Variants in SUGCT observed in about 807,000 individuals in gnomAD.
SUGCT encodes succinyl-CoA:glutarate CoA-transferase.
SUGCT carries 41 observed loss-of-function variants against 55.0 expected under a neutral mutation model. That is an observed-to-expected ratio of 0.74 (90% CI 0.58 to 0.97). The LOEUF (loss-of-function observed/expected upper bound fraction) is 0.97. Ranked by LOEUF, SUGCT falls within the 50% of genes least tolerant of loss-of-function variation. SUGCT has a pLI of 0.00. For synonymous variants in SUGCT, 187 were observed against 200.4 expected (o/e 0.93, Z 0.56); for missense variants, 568 against 547.8 (o/e 1.04, Z -0.37).
At chr7:40,662,207 A>G (rs960653049) in intron 12 of SUGCT, among the ~76,000 whole-genome samples, 5 of 152,082 alleles carry the variant, frequency 3.3e-5, no homozygotes, top group Non-Finnish European at 4.4e-5. Flanking sequence ...TGTTGGTTCA[A>G]CCTCCAAATT....
In SUGCT at chr7:40,422,820, CA is replaced by C. The variant is rs748926147; in HGVS notation, c.817-26454del. On this transcript the variant is annotated intron_variant, in intron 9 of 13. Transcript: ENST00000335693. Reference sequence around the variant, plus strand: ...CATTTTAGAGAATTAACCAGTTGTCCAAAAAAAAAAAAACCACCAACTCCCT... The same window carrying C: ...CATTTTAGAGAATTAACCAGTTGTCCAAAAAAAAAAAACCACCAACTCCCT... Among the ~76,000 whole-genome samples the C allele has an allele frequency of 5.0e-3, 607 of 121,596 alleles. 3 individuals carry two copies. Among genetic ancestry groups the C allele is most frequent in the African/African-American group, 0.012 (405 of 33,116 alleles). The allele number at this position is 121,596 out of a possible 152,430, so 79.8% of individuals were successfully genotyped here.
At chr7:40,563,527 G>T (rs1795957643) in intron 12 of SUGCT, among the ~76,000 whole-genome samples, 1 of 151,178 alleles carries the variant, frequency 6.6e-6, no homozygotes, top group African/African-American at 2.4e-5. Context: ...ACAACATAGT[G>T]AGACCTTGTC....
intron 9 of SUGCT, among the ~76,000 whole-genome samples, chr7:40,441,757 G>T (rs1319711242): frequency 6.6e-6 from 1 of 152,168 alleles, no homozygotes; most frequent in African/African-American, 2.4e-5. Flanking sequence ...GAGTATGGGA[G>T]TTTGGAAGTA....
intron 12 of SUGCT, among the ~76,000 whole-genome samples, chr7:40,603,968 C>G (rs1798410762): frequency 6.6e-6 from 1 of 151,982 alleles, no homozygotes; most frequent in Admixed American, 6.6e-5. Context: ...GTTACACCAA[C>G]CTTCATCTTT....
intron 9 of SUGCT, among the ~76,000 whole-genome samples, chr7:40,335,489 T>C (rs1169903488): frequency 2.0e-5 from 3 of 152,080 alleles, no homozygotes; most frequent in African/African-American, 4.8e-5. Flanking sequence ...GATTCCTAGG[T>C]ATTTTATTCT....
the SUGCT span, among the ~76,000 whole-genome samples, chr7:41,012,187 G>A: frequency 6.6e-6 from 1 of 151,984 alleles, no homozygotes; most frequent in Admixed American, 6.6e-5. Context: ...CATTAGTTCC[G>A]GTGAACTCTC....
At chr7:40,638,607 C>T (rs1187703428) in intron 12 of SUGCT, among the ~76,000 whole-genome samples, 1 of 152,130 alleles carries the variant, frequency 6.6e-6, no homozygotes, top group South Asian at 2.1e-4. Flanking sequence ...AGACCCAGTA[C>T]CCAAGAATAA....
intron 9 of SUGCT, among the ~76,000 whole-genome samples, chr7:40,320,915 T>C (rs1795693841): frequency 6.6e-6 from 1 of 152,082 alleles, no homozygotes; most frequent in Admixed American, 6.6e-5. Context: ...ATCCAATAGG[T>C]ACTTTCTCCT....
At chr7:40,160,228 A>T (rs897439080) in intron 1 of SUGCT, among the ~76,000 whole-genome samples, 2 of 152,030 alleles carry the variant, frequency 1.3e-5, no homozygotes, top group African/African-American at 4.8e-5. Context: ...ACCATAAAAT[A>T]ATTTTTTTCT....
intron 8 of SUGCT, among the ~76,000 whole-genome samples, chr7:40,303,984 G>A (rs956541910): frequency 6.6e-6 from 1 of 151,418 alleles, no homozygotes; most frequent in African/African-American, 2.4e-5. Context: ...GGGAGGTGGA[G>A]GTTGCAGTAA....
the SUGCT span, among the ~76,000 whole-genome samples, chr7:40,909,474 A>G: frequency 8.1e-4 from 123 of 152,298 alleles, no homozygotes; most frequent in African/African-American, 2.4e-3. Context: ...ATTTTCTGAC[A>G]GTCAAAATTG....
intron 10 of SUGCT, 49 bp from the exon 11 acceptor site, chr7:40,459,052 T>G (rs748681369): frequency 8.8e-6 from 11 of 1,244,914 alleles, no homozygotes; most frequent in East Asian, 2.4e-5. Context: ...CACAGGCAGG[T>G]ACAAGAACTA....
At position 40,377,204 on chromosome 7, in the gene SUGCT, T is replaced by TC. The variant is rs1491358810; in HGVS notation, c.816+60349_816+60350insC. 9.3e-4 allele frequency among the ~76,000 whole-genome samples: 11 copies of TC among 11,842 alleles called. 1 individual carries two copies. Among genetic ancestry groups the TC allele is most frequent in the East Asian group, 0.036 (1 of 28 alleles). The allele number at this position is 11,842 out of a possible 152,430, so 7.8% of individuals were successfully genotyped here. ...TTTCTTTCTTTCTTTCTTTCTTTTC[T>TC]TTTCTTTTCTTTCTTTTCTTTCTTT... On this transcript the variant is annotated intron_variant, in intron 9 of 13. Coordinates refer to ENST00000335693, the MANE Select transcript of SUGCT (RefSeq NM_001193313.2).
chr7:40,671,908 G>C (rs571169378), intron 12 of SUGCT, among the ~76,000 whole-genome samples: 1 of 152,298 alleles, frequency 6.6e-6, no homozygotes, highest in African/African-American at 2.4e-5. Flanking sequence ...GATTAGGAAA[G>C]TAGGAATTCG....
rs144539614 is a variant in SUGCT, at chr7:40,401,936, T to C, written c.817-47351T>C. On this transcript the variant is annotated intron_variant, in intron 9 of 13. Coordinates refer to ENST00000335693, the MANE Select transcript of SUGCT (RefSeq NM_001193313.2). ...TTCTTTCTGATACTTTTCAAAATGC[T>C]CCAAATTTCTCTCTTAATATTTTGG... Among the ~76,000 whole-genome samples the C allele has an allele frequency of 1.3e-3, 204 of 152,320 alleles. No individual in the cohort carries two copies. The Middle Eastern group carries it at 0.017, about 13-fold the overall frequency.
At chr7:40,578,977 C>T (rs1482075415) in intron 12 of SUGCT, among the ~76,000 whole-genome samples, 1 of 152,128 alleles carries the variant, frequency 6.6e-6, no homozygotes, top group African/African-American at 2.4e-5. Flanking sequence ...TGTAAGCACC[C>T]AATAAATGTT....
rs1219304555 is a variant in SUGCT, at chr7:40,685,100, A to G, written c.1090-64334A>G. ...TCAAACTCCTGACCTTAAGTGGTCC[A>G]CCTGCCTTGGCCTCCCAAAGTGCTG... On this transcript the variant is annotated intron_variant, in intron 12 of 13. Coordinates refer to ENST00000335693, the MANE Select transcript of SUGCT (RefSeq NM_001193313.2). Among the ~76,000 whole-genome samples, 4 of 152,080 alleles carry G rather than the reference A, an allele frequency of 2.6e-5. No homozygotes were observed. In the East Asian group the frequency reaches 7.7e-4, roughly 29 times the overall value.
intron 1 of SUGCT, among the ~76,000 whole-genome samples, chr7:40,147,687 C>G (rs1290134057): frequency 1.3e-5 from 2 of 152,172 alleles, no homozygotes; most frequent in African/African-American, 4.8e-5. Flanking sequence ...GCTGAGAGCT[C>G]GGGTTATTCC....
intron 12 of SUGCT, among the ~76,000 whole-genome samples, chr7:40,516,012 CCTTTCTT>C (rs1441787006): frequency 2.0e-5 from 3 of 152,148 alleles, no homozygotes; most frequent in African/African-American, 7.2e-5. Context: ...TTCCTTCTTC[CCTTTCTT>C]CTTTCTTCTT....
Sources: gnomAD v4.1 joint callset for allele counts (sites outside exome capture counted in the v4.1 genomes callset) on GRCh38, gnomAD v4.1.1 for gene constraint, MANE v1.5 for transcripts, NCBI Gene and HGNC (gene_info 2026-07-23, HGNC 2026-07-21) for gene names.